ZXDC: variants seen among roughly 807,000 people sequenced by gnomAD.
ZXDC encodes ZXD family zinc finger C, also known as zinc finger protein ZXDC.
A neutral mutation model predicts 63.6 loss-of-function variants in ZXDC; 58 were observed. The observed-to-expected ratio is 0.91, with a 90% CI of 0.74 to 1.13. The LOEUF is 1.13. ZXDC is among the 50% of genes most tolerant of loss of function. The probability of loss-of-function intolerance (pLI) is 0.00; values close to 1 mark genes in which losing one functional copy is unlikely to be tolerated. For missense variants in ZXDC, 1,133 were observed against 1,148.9 expected, an observed-to-expected ratio of 0.99 and a Z score of 0.20; for synonymous variants, 561 against 496.1, an observed-to-expected ratio of 1.13 and a Z score of -1.74.
chr3:126,459,422 C>G, intron 7 of ZXDC: 1 of 985,460 alleles, frequency 1.0e-6, no homozygotes, highest in Non-Finnish European at 1.2e-6. Flanking sequence ...GAACGCTTAA[C>G]TTTCACAAAG....
chr3:126,453,477 C>T, intron 7 of ZXDC: 3 of 985,386 alleles, frequency 3.0e-6, no homozygotes, highest in Non-Finnish European at 3.6e-6. Context: ...TGGCTACATC[C>T]CTTGTGTTCC....
rs779470300 is a variant in ZXDC, at chr3:126,462,115, G to A, written c.1547C>T (p.Ser516Phe). 1 of 1,614,034 alleles carries A rather than the reference G, an allele frequency of 6.2e-7. No homozygotes were observed. The highest frequency in any genetic ancestry group is 1.7e-5 in the Admixed American group (1 of 60,028). The stretch of plus-strand genomic sequence containing the variant: ...ACCACTAGCATTGGCAGGTGTGTCA[G>A]AGAAGAGTGCAGCAAGATCCATGTT... ...LTNMDLAALF[S>F]DTPANASGSA... is the part of the protein sequence containing the mutation. The change falls in exon 6 of 10, where the codon TCT becomes TTT. Residue 516 changes from serine (S) to phenylalanine (F), a missense_variant. Transcript: ENST00000389709.
At chr3:126,440,598 AGCTGAGGCAGTGTT>A in intron 8 of ZXDC, 1 of 986,106 alleles carries the variant, frequency 1.0e-6, no homozygotes, top group Non-Finnish European at 1.2e-6. Context: ...CTGCCCTGCC[AGCTGAGGCAGTGTT>A]TCCTTGGATG....
At chr3:126,456,844 T>C (rs1209234932) in intron 7 of ZXDC, among the ~76,000 whole-genome samples, 1 of 152,164 alleles carries the variant, frequency 6.6e-6, no homozygotes, top group Non-Finnish European at 1.5e-5. Flanking sequence ...AAGAAGTTGA[T>C]GGTGAAGAAA....
At position 126,475,302 on chromosome 3, in the gene ZXDC, C is replaced by T. The variant is rs1935149396; in HGVS notation, c.564G>A (p.Lys188=). Residue 188 remains lysine, a synonymous_variant, in exon 1 of 10, where the codon AAG becomes AAA. Transcript: ENST00000389709. ...GCAGGTGCACCTTGAGCTGGTGCTT[C>T]TTGGCGAAGGCCAGCGCGCACTGCG... The part of the protein sequence containing the change: ...PEPQCALAFA[K]KHQLKVHLLT... 2 of 1,549,370 alleles carry T rather than the reference C, an allele frequency of 1.3e-6. No individual in the cohort carries two copies. The highest frequency in any genetic ancestry group is 1.7e-6 in the Non-Finnish European group (2 of 1,146,400).
chr3:126,464,151 C>A (rs1227858518), intron 5 of ZXDC, among the ~76,000 whole-genome samples: 1 of 152,224 alleles, frequency 6.6e-6, no homozygotes, highest in Non-Finnish European at 1.5e-5. Flanking sequence ...TAATAAATTT[C>A]TTACTTAGCA....
rs1374390071 is a variant in ZXDC, at chr3:126,472,166, C to T, written c.1047G>A (p.Leu349=). 3 of 1,609,742 alleles carry T rather than the reference C, an allele frequency of 1.9e-6. No homozygotes were observed. The African/African-American group carries it at 4.0e-5, about 21-fold the overall frequency. ...CTAGCTCATTACCTGTATGGCTCCG[C>T]AGGTGAATTTTCAGCCGACAGGCTT... The part of the protein sequence containing the change: ...YDKACRLKIH[L]RSHTGERPFI... Residue 349 remains leucine (L), a synonymous_variant, in exon 2 of 10, where the codon CTG becomes CTA. Transcript: ENST00000389709.
chr3:126,438,427 G>A lies in ZXDC; in HGVS notation c.2525C>T (p.Pro842Leu), dbSNP rs569153418. The A allele has an allele frequency of 1.4e-5, 22 of 1,613,760 alleles. No individual in the cohort carries two copies. The highest frequency in any genetic ancestry group is 4.0e-5 in the African/African-American group (3 of 74,902). ...GCTTCCTGGGAACTGGGTGGCCTCC[G>A]GTCCAGCAGGGCCTCCAGATGAGGG... is the stretch of plus-strand genomic sequence containing the variant. ...VLPSSGGPAG[P>L]EATQFPGSTI... The change falls in exon 10 of 10, where the codon CCG (proline) becomes CTG (leucine). Residue 842 changes from proline (P) to leucine (L), a missense_variant. Coordinates refer to ENST00000389709, the MANE Select transcript of ZXDC (RefSeq NM_025112.5).
intron 7 of ZXDC, among the ~76,000 whole-genome samples, chr3:126,444,447 G>C (rs1036749699): frequency 6.6e-6 from 1 of 151,888 alleles, no homozygotes; most frequent in African/African-American, 2.4e-5. Context: ...CAGGAGAATG[G>C]CATGAACCCA....
At chr3:126,473,376 T>C (rs757541931) in intron 1 of ZXDC, among the ~76,000 whole-genome samples, 2 of 152,200 alleles carry the variant, frequency 1.3e-5, no homozygotes, top group South Asian at 2.1e-4. Flanking sequence ...TCTGGGCCCT[T>C]TGATGATGCT....
At chr3:126,439,549 T>G in intron 9 of ZXDC, 83 bp downstream of exon 9, 1 of 1,549,250 alleles carries the variant, frequency 6.5e-7, no homozygotes, top group Non-Finnish European at 8.7e-7. Context: ...GTGACCAGCC[T>G]GCAGCTGTGA....
intron 4 of ZXDC, among the ~76,000 whole-genome samples, chr3:126,467,523 G>A (rs192143114): frequency 2.6e-5 from 4 of 152,356 alleles, no homozygotes; most frequent in Non-Finnish European, 4.4e-5. Flanking sequence ...GCGCCTGGAG[G>A]AGGGATATTT....
At position 126,475,764 on chromosome 3, in the gene ZXDC, G is replaced by A. The variant is rs1293051882; in HGVS notation, c.102C>T (p.Ser34=). ...CCAGTAGCAGGCGGCGGCGCGCGGG[G>A]CTCGCGCCGAGCGGCGCTGGGGCTC... is the stretch of plus-strand genomic sequence containing the variant. The part of the protein sequence containing the change: ...LRRAPAPLGA[S]PARRRLLLVR... The change falls in exon 1 of 10, where the codon AGC becomes AGT. Residue 34 remains serine (S), a synonymous_variant. Transcript: ENST00000389709. The A allele has an allele frequency of 3.5e-6, 4 of 1,147,198 alleles. No homozygotes were observed. Among genetic ancestry groups the A allele is most frequent in the African/African-American group, 3.3e-5 (2 of 60,802 alleles). The allele number at this position is 1,147,198 out of a possible 1,614,324, so 71.1% of individuals were successfully genotyped here. A position where few individuals can be genotyped will look rare whatever the true frequency, so the allele number is the denominator to read the frequency against.
chr3:126,447,747 C>G (rs1294352838), intron 7 of ZXDC, among the ~76,000 whole-genome samples: 1 of 152,240 alleles, frequency 6.6e-6, no homozygotes, highest in African/African-American at 2.4e-5. Context: ...ATGTCATCAA[C>G]TGCCCTGTTC....
At chr3:126,439,529 C>T (rs140350479) in intron 9 of ZXDC, 103 bp downstream of exon 9, 85 of 1,542,584 alleles carry the variant, frequency 5.5e-5, no homozygotes, top group Middle Eastern at 1.9e-4. Context: ...TCCCAAGCCA[C>T]GCGGCCTCAG....
intron 8 of ZXDC, chr3:126,440,140 AGCTT>A: frequency 2.0e-6 from 2 of 1,014,168 alleles, no homozygotes; most frequent in South Asian, 8.3e-5. Context: ...TGCATGCCCC[AGCTT>A]GCCTACGGGC....
At chr3:126,446,478 C>CT (rs1933887213) in intron 7 of ZXDC, among the ~76,000 whole-genome samples, 1 of 152,238 alleles carries the variant, frequency 6.6e-6, no homozygotes, top group Admixed American at 6.5e-5. Context: ...GCCATCCCCA[C>CT]ACCAGTAGCA....
chr3:126,467,046 G>A (rs1934797596), intron 4 of ZXDC, among the ~76,000 whole-genome samples: 1 of 152,194 alleles, frequency 6.6e-6, no homozygotes, highest in African/African-American at 2.4e-5. Flanking sequence ...GGGGCAAATA[G>A]AACAGCCAGT....
At chr3:126,461,243 C>T (rs2107647327) in intron 6 of ZXDC, 4 of 1,165,776 alleles carry the variant, frequency 3.4e-6, no homozygotes, top group South Asian at 6.2e-5. Flanking sequence ...ACAAAACCCC[C>T]AATCTTCAAG....
Sources: allele counts gnomAD v4.1 joint callset (sites outside exome capture counted in the v4.1 genomes callset), GRCh38; gene constraint gnomAD v4.1.1; transcripts MANE v1.5; gene names NCBI Gene and HGNC (gene_info 2026-07-23, HGNC 2026-07-21).